The following KIF26B variants were observed in gnomAD, a reference collection of about 807,000 sequenced individuals.
KIF26B encodes kinesin family member 26B.
KIF26B carries 63 observed loss-of-function variants against 151.2 expected under a neutral mutation model. That is an observed-to-expected ratio of 0.42 (90% confidence interval 0.34 to 0.51). KIF26B has a LOEUF of 0.51. Among genes scored for constraint, KIF26B ranks in the 20% least tolerant of loss-of-function variants. The probability of loss-of-function intolerance (pLI) is 0.07; values close to 1 mark genes in which losing one functional copy is unlikely to be tolerated. For missense variants in KIF26B, 2,813 were observed against 2,913.6 expected (o/e 0.97, Z 0.79); for synonymous variants, 1,357 against 1,262.1 (o/e 1.08, Z -1.59).
chr1:245,531,970 G>A (rs1661371618), intron 4 of KIF26B, among the ~76,000 whole-genome samples: 1 of 152,028 alleles, frequency 6.6e-6, no homozygotes, highest in South Asian at 2.1e-4. Context: ...GCATGATGGG[G>A]CACACCTGTA....
At chr1:245,361,225 C>A (rs1672810848) in intron 2 of KIF26B, among the ~76,000 whole-genome samples, 1 of 152,222 alleles carries the variant, frequency 6.6e-6, no homozygotes, top group Non-Finnish European at 1.5e-5. Flanking sequence ...AGCTGCCTCG[C>A]TTGCAGAACA....
intron 2 of KIF26B, among the ~76,000 whole-genome samples, chr1:245,361,460 G>A (rs1297482248): frequency 6.6e-6 from 1 of 152,240 alleles, no homozygotes; most frequent in East Asian, 1.9e-4. Flanking sequence ...TACATTCAGC[G>A]TGTTCACGTG....
At chr1:245,675,375 C>T (rs1245025442) in intron 10 of KIF26B, among the ~76,000 whole-genome samples, 1 of 152,190 alleles carries the variant, frequency 6.6e-6, no homozygotes, top group South Asian at 2.1e-4. Context: ...CATGGTTGAT[C>T]CTTCTCTTGC....
At chr1:245,392,705 G>T (rs994987845) in intron 3 of KIF26B, among the ~76,000 whole-genome samples, 1 of 152,164 alleles carries the variant, frequency 6.6e-6, no homozygotes, top group Non-Finnish European at 1.5e-5. Context: ...GTCTTTTGGC[G>T]TGGAGCTAAT....
chr1:245,463,596 C>T (rs1659701519), intron 4 of KIF26B, among the ~76,000 whole-genome samples: 1 of 152,162 alleles, frequency 6.6e-6, no homozygotes, highest in Non-Finnish European at 1.5e-5. Context: ...TGGGACTTTG[C>T]AGTCAATGGT....
At chr1:245,353,817 G>A (rs1007390944) in intron 2 of KIF26B, 1 of 152,568 alleles carries the variant, frequency 6.6e-6, no homozygotes, top group Non-Finnish European at 1.5e-5. Flanking sequence ...GAAGAAAGAG[G>A]GGTAAGAAGT....
intron 5 of KIF26B, among the ~76,000 whole-genome samples, chr1:245,569,778 T>C (rs1344420537): frequency 6.6e-6 from 1 of 151,046 alleles, no homozygotes; most frequent in East Asian, 2.0e-4. Flanking sequence ...GGTGACAGAG[T>C]GAGACCCTGT....
At chr1:245,618,360 A>G (rs2043616529) in intron 9 of KIF26B, among the ~76,000 whole-genome samples, 1 of 151,362 alleles carries the variant, frequency 6.6e-6, no homozygotes, top group Admixed American at 6.6e-5. Context: ...TCCAAGCCCT[A>G]TTAGACTATA....
intron 2 of KIF26B, among the ~76,000 whole-genome samples, chr1:245,210,141 G>T (rs1669487623): frequency 6.6e-6 from 1 of 152,220 alleles, no homozygotes; most frequent in Non-Finnish European, 1.5e-5. Context: ...AGCTCCCAGG[G>T]TGTCTGCAGC....
intron 2 of KIF26B, among the ~76,000 whole-genome samples, chr1:245,341,166 G>C (rs914105103): frequency 6.6e-6 from 1 of 152,054 alleles, no homozygotes; most frequent in Non-Finnish European, 1.5e-5. Flanking sequence ...GTCAAGTGCT[G>C]GTCATCGCAG....
chr1:245,302,326 G>A (rs184592459), intron 2 of KIF26B, among the ~76,000 whole-genome samples: 8 of 152,274 alleles, frequency 5.3e-5, no homozygotes, highest in Non-Finnish European at 8.8e-5. Context: ...CAATAATCTC[G>A]TCTTGGGAGA....
chr1:245,589,989 A>G (rs2043268781), intron 5 of KIF26B, among the ~76,000 whole-genome samples: 1 of 152,246 alleles, frequency 6.6e-6, no homozygotes, highest in Non-Finnish European at 1.5e-5. Context: ...CTGTGCTGAC[A>G]GACGAGTCTG....
At chr1:245,291,423 T>C (rs1033061429) in intron 2 of KIF26B, among the ~76,000 whole-genome samples, 10 of 152,218 alleles carry the variant, frequency 6.6e-5, no homozygotes, top group Non-Finnish European at 1.3e-4. Context: ...AATTTCTCTT[T>C]GGTTGCATTC....
chr1:245,179,664 G>A (rs779576196), intron 2 of KIF26B, among the ~76,000 whole-genome samples: 6 of 152,232 alleles, frequency 3.9e-5, no homozygotes, highest in South Asian at 2.1e-4. Flanking sequence ...AACATTGGTC[G>A]TGAGAAGTTT....
At chr1:245,556,526 A>G (rs1044140637) in intron 5 of KIF26B, among the ~76,000 whole-genome samples, 1 of 152,164 alleles carries the variant, frequency 6.6e-6, no homozygotes, top group Non-Finnish European at 1.5e-5. Flanking sequence ...TAGGCCCCCA[A>G]GTAGCTGGGA....
chr1:245,176,828 T>G (rs1668816550), intron 2 of KIF26B, among the ~76,000 whole-genome samples: 1 of 152,214 alleles, frequency 6.6e-6, no homozygotes, highest in African/African-American at 2.4e-5. Flanking sequence ...GATGAAGCAT[T>G]TATCAGCCTC....
chr1:245,273,030 T>A (rs995353450), intron 2 of KIF26B, among the ~76,000 whole-genome samples: 2 of 152,166 alleles, frequency 1.3e-5, no homozygotes, highest in African/African-American at 4.8e-5. Flanking sequence ...GTCTGTTGGG[T>A]CCCTCGATCT....
At chr1:245,544,044 C>G (rs572345944) in intron 5 of KIF26B, among the ~76,000 whole-genome samples, 1 of 152,308 alleles carries the variant, frequency 6.6e-6, no homozygotes, top group South Asian at 2.1e-4. Flanking sequence ...CAGGCTCTTA[C>G]TCTGCCCTAC....
At chr1:245,247,552 T>C (rs1431656733) in intron 2 of KIF26B, among the ~76,000 whole-genome samples, 1 of 152,206 alleles carries the variant, frequency 6.6e-6, no homozygotes, top group Non-Finnish European at 1.5e-5. Context: ...GAGGCTGACA[T>C]TCTGCCCGAG....
Sources: gnomAD v4.1 joint callset for allele counts (sites outside exome capture counted in the v4.1 genomes callset) on GRCh38, gnomAD v4.1.1 for gene constraint, MANE v1.5 for transcripts, NCBI Gene and HGNC (gene_info 2026-07-23, HGNC 2026-07-21) for gene names.